N4BP2: variants seen among roughly 807,000 people sequenced by gnomAD.
N4BP2 encodes NEDD4-binding protein 2.
In N4BP2, 91 loss-of-function variants were observed where a neutral mutation model predicts 152.8. The ratio of observed to expected loss-of-function variants is 0.60; its 90% CI spans 0.50 to 0.71. N4BP2 has a LOEUF of 0.71. Ranked by LOEUF, N4BP2 falls within the 30% of genes least tolerant of loss-of-function variation. The pLI is 0.00. For missense variants in N4BP2, 1,923 were observed against 2,059.1 expected (o/e 0.93, Z 1.28); for synonymous variants, 646 against 705.3 (o/e 0.92, Z 1.33).
chr4:40,125,823 G>C (rs917675628), intron 11 of N4BP2, among the ~76,000 whole-genome samples: 1 of 149,926 alleles, frequency 6.7e-6, no homozygotes. Context: ...GGAGGCGGAG[G>C]TTGCAGTGAG....
chr4:40,168,365 G>A, the N4BP2 span, among the ~76,000 whole-genome samples: 1 of 152,042 alleles, frequency 6.6e-6, no homozygotes, highest in East Asian at 1.9e-4. Context: ...AGTATTTAAA[G>A]CAATTGGAAA....
chr4:40,096,737 C>T (rs982109007), intron 2 of N4BP2, among the ~76,000 whole-genome samples: 7 of 152,004 alleles, frequency 4.6e-5, no homozygotes, highest in Non-Finnish European at 7.4e-5. Context: ...TTTTGAGAGT[C>T]GCACTGACAA....
Position 40,086,138 on chromosome 4 carries a change from T to A in N4BP2, c.-114-11089T>A, listed in dbSNP as rs553223138. Among the ~76,000 whole-genome samples the A allele has an allele frequency of 2.0e-5, 3 of 149,242 alleles. No homozygotes were observed. In the South Asian group the frequency reaches 6.4e-4, roughly 32 times the overall value. On this transcript the variant is annotated intron_variant, in intron 2 of 17. Transcript: ENST00000261435. Reference sequence around the variant, plus strand: ...TGCCAACATGCCCGGCTAATTTTTTTTTTTTTTTTGCTAATTTTTGTATTT... The same window carrying A: ...TGCCAACATGCCCGGCTAATTTTTTATTTTTTTTTGCTAATTTTTGTATTT...
At chr4:40,086,326 A>T (rs1007181049) in intron 2 of N4BP2, among the ~76,000 whole-genome samples, 3 of 151,494 alleles carry the variant, frequency 2.0e-5, no homozygotes, top group Non-Finnish European at 4.4e-5. Flanking sequence ...GAAAAAATTT[A>T]AAAAATTATT....
chr4:40,144,677 G>T lies in N4BP2; in HGVS notation c.5020G>T (p.Ala1674Ser), dbSNP rs1720343532. ...QKMKEANHLA[A>S]IEIFEKVNAS... ...GATGAAAGAAGCCAATCACCTTGCT[G>T]CCATAGAGATCTTTGAGAAAGTCAA... The change falls in exon 16 of 18, where the codon GCC becomes TCC. Residue 1674 changes from alanine (A) to serine (S), a missense_variant. Ala to Ser is a moderately conservative substitution (Grantham distance 99, BLOSUM62 1). Coordinates refer to ENST00000261435, the MANE Select transcript of N4BP2 (RefSeq NM_018177.6). The T allele has an allele frequency of 6.2e-7, 1 of 1,613,752 alleles. No individual in the cohort carries two copies. Among genetic ancestry groups the T allele is most frequent in the Non-Finnish European group, 8.5e-7 (1 of 1,179,922 alleles).
chr4:40,074,389 C>A (rs1043117868), intron 2 of N4BP2, among the ~76,000 whole-genome samples: 3 of 114,636 alleles, frequency 2.6e-5, no homozygotes, highest in African/African-American at 8.7e-5. Flanking sequence ...CCGTGTCTGG[C>A]CCAGAGATGG....
intron 16 of N4BP2, among the ~76,000 whole-genome samples, chr4:40,147,318 C>T (rs1272300203): frequency 6.6e-6 from 1 of 152,254 alleles, no homozygotes; most frequent in African/African-American, 2.4e-5. Flanking sequence ...CTTCTTTCTA[C>T]ACAGACACAG....
At chr4:40,139,870 G>A (rs1027339073) in intron 14 of N4BP2, among the ~76,000 whole-genome samples, 4 of 146,280 alleles carry the variant, frequency 2.7e-5, no homozygotes, top group African/African-American at 1.0e-4. Context: ...TGTTGCTCAG[G>A]CTGGAGTGCA....
In N4BP2 at chr4:40,157,658, T is replaced by C. The variant is rs1721709817; in HGVS notation, c.*3421T>C. 6.6e-6 allele frequency: 1 copy of C among 152,186 alleles called. No homozygotes were observed. Among genetic ancestry groups the C allele is most frequent in the Non-Finnish European group, 1.5e-5 (1 of 67,994 alleles). 9.4% of individuals were successfully genotyped at this position (152,186 alleles called of 1,614,324 possible). ...TTCTAAGTGCTTTTCCATTGTGCAATGAGGTGAAGTTTGGTAATTTTTCGG... is the reference window on the plus strand; with the variant it reads ...TTCTAAGTGCTTTTCCATTGTGCAACGAGGTGAAGTTTGGTAATTTTTCGG... On this transcript the variant is annotated 3_prime_UTR_variant, in exon 18 of 18. Transcript: ENST00000261435.
chr4:40,106,913 G>C lies in N4BP2; in HGVS notation c.1387G>C (p.Asp463His). 6.2e-7 allele frequency: 1 copy of C among 1,608,860 alleles called. No individual in the cohort carries two copies. The highest frequency in any genetic ancestry group is 8.5e-7 in the Non-Finnish European group (1 of 1,176,750). Residue 463 changes from aspartate to histidine, a missense_variant, in exon 5 of 18, where the codon GAT (aspartate) becomes CAT (histidine). Transcript: ENST00000261435. ...TATCTTTCACAGGACTTTGCAAGAG[G>C]ATAATCCAAGTGGAGTCATTCTTAG... The part of the protein sequence containing the change: ...KSFLARTLQE[D>H]NPSGVILSTD...
chr4:40,123,625 A>G (rs939459640), intron 10 of N4BP2, among the ~76,000 whole-genome samples: 9 of 151,506 alleles, frequency 5.9e-5, no homozygotes, highest in African/African-American at 2.2e-4. Context: ...GTAGGACTAT[A>G]CAGGTGCCTG....
chr4:40,115,825 A>G (rs957632799), intron 7 of N4BP2, among the ~76,000 whole-genome samples: 4 of 152,184 alleles, frequency 2.6e-5, no homozygotes, highest in East Asian at 3.9e-4. Flanking sequence ...CATGATTACA[A>G]TGTGTTAATA....
At chr4:40,100,346 T>C (rs1217622402) in intron 3 of N4BP2, among the ~76,000 whole-genome samples, 1 of 151,874 alleles carries the variant, frequency 6.6e-6, no homozygotes, top group African/African-American at 2.4e-5. Flanking sequence ...AAACTTCAGA[T>C]GCTTAAAAAT....
the N4BP2 span, among the ~76,000 whole-genome samples, chr4:40,190,069 A>G: frequency 6.6e-6 from 1 of 152,190 alleles, no homozygotes; most frequent in Admixed American, 6.5e-5. Context: ...CAAGTTTTCT[A>G]TCCCCCTTCC....
At chr4:40,135,058 A>T in intron 13 of N4BP2, among the ~76,000 whole-genome samples, 1 of 148,600 alleles carries the variant, frequency 6.7e-6, no homozygotes, top group South Asian at 2.2e-4. Flanking sequence ...CTAACTTGTC[A>T]TCTAGCATTA....
intron 5 of N4BP2, 107 bp downstream of exon 5, chr4:40,107,131 G>A (rs1716381529): frequency 2.7e-6 from 3 of 1,124,568 alleles, no homozygotes; most frequent in Admixed American, 2.1e-5. Context: ...ACAGGGTCTC[G>A]CTGTGTTGCA....
intron 2 of N4BP2, among the ~76,000 whole-genome samples, chr4:40,089,588 C>T (rs1224503403): frequency 6.6e-6 from 1 of 152,056 alleles, no homozygotes; most frequent in African/African-American, 2.4e-5. Flanking sequence ...AGGCACATGC[C>T]ACCACACCTG....
At chr4:40,125,475 T>C (rs1718302742) in intron 11 of N4BP2, among the ~76,000 whole-genome samples, 1 of 152,218 alleles carries the variant, frequency 6.6e-6, no homozygotes, top group South Asian at 2.1e-4. Flanking sequence ...CTGTTATGGT[T>C]GCTCACTTCC....
intron 14 of N4BP2, 25 bp downstream of exon 14, chr4:40,137,107 T>C (rs1719477307): frequency 6.4e-7 from 1 of 1,567,440 alleles, no homozygotes; most frequent in Non-Finnish European, 8.7e-7. Context: ...ATTTTTTTTC[T>C]ACAAGGGTAG....
Sources: allele counts gnomAD v4.1 joint callset (sites outside exome capture counted in the v4.1 genomes callset), GRCh38; gene constraint gnomAD v4.1.1; transcripts MANE v1.5; gene names NCBI Gene and HGNC (gene_info 2026-07-23, HGNC 2026-07-21).